NID2: variants seen among roughly 807,000 people sequenced by gnomAD.
NID2 encodes the protein nidogen-2.
A neutral mutation model predicts 145.4 loss-of-function variants in NID2; 83 were observed. The ratio of observed to expected loss-of-function variants is 0.57; its 90% CI spans 0.48 to 0.69. NID2 has a LOEUF of 0.69. Among genes scored for constraint, NID2 ranks in the 30% least tolerant of loss-of-function variants. NID2 has a pLI of 0.00. For missense variants in NID2, 1,807 were observed against 1,765.7 expected (o/e 1.02, Z -0.42); for synonymous variants, 739 against 701.3 (o/e 1.05, Z -0.85).
intron 3 of NID2, among the ~76,000 whole-genome samples, chr14:52,055,146 A>G (rs1196138508): frequency 6.6e-6 from 1 of 152,210 alleles, no homozygotes; most frequent in Non-Finnish European, 1.5e-5. Context: ...ATCATATTCA[A>G]TTTTATAGAG....
In NID2 at chr14:52,005,726, A is replaced by T; in HGVS notation, c.4117+11T>A. 1.2e-6 allele frequency: 2 copies of T among 1,601,030 alleles called. No individual in the cohort carries two copies. The highest frequency in any genetic ancestry group is 1.1e-5 in the South Asian group (1 of 90,786). ...CTAATTTAAAGGAGCATCCTAAAGC[A>T]TACTTTTTACCTGTTGGGCAGTAGG... On this transcript the variant is annotated intron_variant, in intron 21 of 21. Transcript: ENST00000216286.
rs377171157 is a variant in NID2 at position 52,019,162 on chromosome 14, C to T, written c.2927G>A (p.Gly976Asp). Reference sequence around the variant, plus strand: ...CACGCACCAGCAGAAACCAGTGCTGCCATGACACTGTAGGGGCAGGAAGTT... The same window carrying T: ...CACGCACCAGCAGAAACCAGTGCTGTCATGACACTGTAGGGGCAGGAAGTT... Reference protein sequence around the residue: ...QGNFLPLQCHGSTGFCWCVDP... With the variant: ...QGNFLPLQCHDSTGFCWCVDP... Residue 976 changes from glycine (G) to aspartate (D), a missense_variant, in exon 14 of 22, where the codon GGC (glycine) becomes GAC (aspartate). Gly to Asp is a moderately conservative substitution (Grantham distance 94, BLOSUM62 -1). Coordinates refer to ENST00000216286, the MANE Select transcript of NID2 (RefSeq NM_007361.4). 5.0e-6 allele frequency: 8 copies of T among 1,613,998 alleles called. No homozygotes were observed. The highest frequency in any genetic ancestry group is 2.7e-5 in the African/African-American group (2 of 74,892).
In NID2 at chr14:52,053,692, T is replaced by C; in HGVS notation, c.1316A>G (p.His439Arg). Residue 439 changes from histidine to arginine, a missense_variant, in exon 5 of 22, where the codon CAT (histidine) becomes CGT (arginine). His to Arg is a conservative substitution (Grantham distance 29). Coordinates refer to ENST00000216286, the MANE Select transcript of NID2 (RefSeq NM_007361.4). Reference protein sequence around the residue: ...VPSEMDVPPAHPEEEIVLRSY... With the variant: ...VPSEMDVPPARPEEEIVLRSY... The stretch of plus-strand genomic sequence containing the variant: ...TCGAAGAACAATTTCTTCTTCAGGA[T>C]GAGCTGGGGGAACATCCATTTCCGA... The C allele has an allele frequency of 6.2e-7, 1 of 1,613,936 alleles. No homozygotes were observed. Among genetic ancestry groups the C allele is most frequent in the Non-Finnish European group, 8.5e-7 (1 of 1,179,780 alleles).
intron 6 of NID2, among the ~76,000 whole-genome samples, 160 bp from the exon 7 acceptor site, chr14:52,042,510 G>GCCTC (rs756193173): frequency 1.2e-4 from 17 of 138,582 alleles, no homozygotes; most frequent in Admixed American, 2.2e-4. Context: ...AAACAGTCCT[G>GCCTC]CCTCCAGTCT....
At chr14:52,055,694 G>T (rs1892821855) in intron 3 of NID2, among the ~76,000 whole-genome samples, 1 of 152,154 alleles carries the variant, frequency 6.6e-6, no homozygotes, top group Non-Finnish European at 1.5e-5. Context: ...GAATATGCCA[G>T]TTTGTATACT....
Position 52,040,765 on chromosome 14 carries a change from G to A in NID2, c.1912C>T (p.Pro638Ser). 1.2e-6 allele frequency: 2 copies of A among 1,614,096 alleles called. No homozygotes were observed. The highest frequency in any genetic ancestry group is 1.7e-6 in the Non-Finnish European group (2 of 1,180,008). ...RITQTAEGLDPENYLSIKTNI... is the reference protein window; with the variant it reads ...RITQTAEGLDSENYLSIKTNI... ...GTCTTAATGCTCAGGTAGTTCTCTG[G>A]GTCAAGTCCCTCAGCAGTTTGAGTG... Residue 638 changes from proline (P) to serine (S), a missense_variant, in exon 8 of 22, where the codon CCA becomes TCA. By Grantham distance (74) the Pro-to-Ser change is moderately conservative. Transcript: ENST00000216286.
In NID2 at chr14:52,068,956, C is replaced by T. The variant is rs754378234; in HGVS notation, c.39G>A (p.Ser13=). The T allele has an allele frequency of 3.7e-6, 6 of 1,613,204 alleles. No individual in the cohort carries two copies. The South Asian group carries it at 6.6e-5, about 18-fold the overall frequency. ...GCAGCAGCAGTAGCACTGGTAACGA[C>T]GACAGCACCGGCCGCCCGGCCACCC... The part of the protein sequence containing the change: ...GDRVAGRPVL[S]SLPVLLLLPL... The change falls in exon 1 of 22, where the codon TCG becomes TCA. Residue 13 remains serine (S), a synonymous_variant. Transcript: ENST00000216286.
intron 8 of NID2, 60 bp from the exon 9 acceptor site, chr14:52,039,037 G>T: frequency 8.0e-7 from 1 of 1,242,914 alleles, no homozygotes; most frequent in Admixed American, 2.4e-5. Context: ...TTCATGTGAG[G>T]TGGATTTTTC....
At chr14:52,059,442 C>T (rs1025729566) in intron 3 of NID2, among the ~76,000 whole-genome samples, 5 of 152,198 alleles carry the variant, frequency 3.3e-5, no homozygotes, top group African/African-American at 1.2e-4. Context: ...CCTACCTCCC[C>T]TCACACACCC....
chr14:52,066,144 T>C (rs1179045001), intron 2 of NID2, among the ~76,000 whole-genome samples: 2 of 152,080 alleles, frequency 1.3e-5, no homozygotes, highest in Non-Finnish European at 2.9e-5. Context: ...AGATGGAATT[T>C]ACAAATCTCT....
At chr14:52,012,395 G>A (rs183592494) in intron 16 of NID2, among the ~76,000 whole-genome samples, 3 of 152,272 alleles carry the variant, frequency 2.0e-5, no homozygotes, top group Non-Finnish European at 2.9e-5. Context: ...CTTGAGCCCA[G>A]GAGTTCGAGA....
intron 5 of NID2, among the ~76,000 whole-genome samples, chr14:52,045,191 T>C (rs1892443656): frequency 6.6e-6 from 1 of 152,018 alleles, no homozygotes; most frequent in Admixed American, 6.6e-5. Flanking sequence ...GGTTTAATGG[T>C]AGAAGCAAGC....
chr14:52,013,409 TAAAAAG>T (rs1033594116), intron 16 of NID2, among the ~76,000 whole-genome samples: 2 of 152,200 alleles, frequency 1.3e-5, no homozygotes, highest in African/African-American at 4.8e-5. Context: ...ACTCGAATCT[TAAAAAG>T]AACACATCTC....
At chr14:52,021,885 A>G (rs1192600243) in intron 12 of NID2, among the ~76,000 whole-genome samples, 1 of 152,218 alleles carries the variant, frequency 6.6e-6, no homozygotes, top group Non-Finnish European at 1.5e-5. Flanking sequence ...CAGCTGGGCA[A>G]AACTGGTGAC....
At chr14:52,010,085 G>A (rs1195749738) in intron 18 of NID2, 3 of 152,240 alleles carry the variant, frequency 2.0e-5, no homozygotes, top group African/African-American at 2.4e-5. Context: ...ATTAATTCCT[G>A]TTAAGTCAAC....
rs1890761016 is a variant in NID2 at position 52,005,923 on chromosome 14, T to G, written c.4005-74A>C. On this transcript the variant is annotated intron_variant, in intron 20 of 21. Coordinates refer to ENST00000216286, the MANE Select transcript of NID2 (RefSeq NM_007361.4). ...AAAGAAGTCAGTCAGCCACAGAAAA[T>G]CAGTTGCAATAGAGGAAAATTTCTG... 6.1e-6 allele frequency: 7 copies of G among 1,152,878 alleles called. No individual in the cohort carries two copies. In the Admixed American group the frequency reaches 1.2e-4, roughly 20 times the overall value. 71.4% of individuals were successfully genotyped at this position (1,152,878 alleles called of 1,614,324 possible).
intron 8 of NID2, among the ~76,000 whole-genome samples, chr14:52,039,676 T>C (rs1045214696): frequency 5.9e-5 from 9 of 152,046 alleles, no homozygotes; most frequent in African/African-American, 2.2e-4. Flanking sequence ...TCAATCCGGA[T>C]TGCTGTGCTG....
intron 8 of NID2, among the ~76,000 whole-genome samples, chr14:52,039,401 T>C (rs1031293178): frequency 5.3e-5 from 8 of 152,232 alleles, no homozygotes; most frequent in African/African-American, 1.9e-4. Flanking sequence ...CTCTACACCC[T>C]AAATTTTAAA....
chr14:52,039,041 AT>A (rs1304990485), intron 8 of NID2, 64 bp from the exon 9 acceptor site: 4 of 1,168,070 alleles, frequency 3.4e-6, no homozygotes, highest in Non-Finnish European at 4.8e-6. Context: ...TGTGAGGTGG[AT>A]TTTTCTGCAG....
Sources: allele counts gnomAD v4.1 joint callset (sites outside exome capture counted in the v4.1 genomes callset), GRCh38; gene constraint gnomAD v4.1.1; transcripts MANE v1.5; gene names NCBI Gene and HGNC (gene_info 2026-07-23, HGNC 2026-07-21).